The following MACROD2 variants were observed in gnomAD, a reference collection of about 807,000 sequenced individuals.
MACROD2 encodes ADP-ribose glycohydrolase MACROD2.
In MACROD2, 36 loss-of-function variants were observed where a neutral mutation model predicts 70.4. That is an observed-to-expected ratio of 0.51 (90% CI 0.39 to 0.68). MACROD2 has a LOEUF of 0.68. Among genes scored for constraint, MACROD2 ranks in the 30% least tolerant of loss-of-function variants. MACROD2 has a pLI of 0.00. For missense variants in MACROD2, 496 were observed against 538.4 expected (o/e 0.92, Z 0.78); for synonymous variants, 172 against 178.8 (o/e 0.96, Z 0.30).
intron 4 of MACROD2, among the ~76,000 whole-genome samples, chr20:14,665,398 A>T (rs1212110357): frequency 1.3e-5 from 2 of 152,030 alleles, no homozygotes. Flanking sequence ...AAGAATTAAG[A>T]ACTGATTTTG....
chr20:15,584,854 A>G (rs1028781837), intron 8 of MACROD2, among the ~76,000 whole-genome samples: 1 of 152,058 alleles, frequency 6.6e-6, no homozygotes, highest in African/African-American at 2.4e-5. Flanking sequence ...TTTTCCCTAC[A>G]ATGTCCCATC....
chr20:15,190,908 G>A (rs777890535), intron 5 of MACROD2, among the ~76,000 whole-genome samples: 8 of 152,124 alleles, frequency 5.3e-5, no homozygotes, highest in Non-Finnish European at 7.3e-5. Flanking sequence ...CAGAGTATGC[G>A]GTCTGGATGG....
chr20:15,803,098 C>A (rs929274617), intron 8 of MACROD2, among the ~76,000 whole-genome samples: 2 of 152,058 alleles, frequency 1.3e-5, no homozygotes, highest in African/African-American at 4.8e-5. Flanking sequence ...AAAACTAGCA[C>A]CAATTTTTCT....
intron 6 of MACROD2, among the ~76,000 whole-genome samples, chr20:15,379,827 T>C (rs948538908): frequency 1.3e-5 from 2 of 152,182 alleles, no homozygotes; most frequent in East Asian, 3.9e-4. Context: ...TACATTAGAT[T>C]ATGTCACTCC....
chr20:15,481,623 A>G (rs1774261392), intron 7 of MACROD2, among the ~76,000 whole-genome samples: 1 of 151,452 alleles, frequency 6.6e-6, no homozygotes, highest in South Asian at 2.1e-4. Context: ...AAAAGAAAAG[A>G]AAAGCCAGAG....
At chr20:14,585,866 G>A (rs1229929829) in intron 4 of MACROD2, among the ~76,000 whole-genome samples, 2 of 152,148 alleles carry the variant, frequency 1.3e-5, no homozygotes, top group Admixed American at 6.6e-5. Context: ...TTCAAGGTGT[G>A]TAGCTTTCTA....
chr20:16,035,272 G>T (rs1297229132), intron 15 of MACROD2, among the ~76,000 whole-genome samples: 1 of 149,426 alleles, frequency 6.7e-6, no homozygotes, highest in Non-Finnish European at 1.5e-5. Flanking sequence ...CTTTGGGTTG[G>T]TTCCACGATT....
chr20:15,077,725 A>G (rs532628678), intron 5 of MACROD2, among the ~76,000 whole-genome samples: 17 of 152,250 alleles, frequency 1.1e-4, no homozygotes, highest in African/African-American at 3.9e-4. Flanking sequence ...GATCTTGCCT[A>G]CATTAAGTTT....
At chr20:15,169,413 C>T (rs947747603) in intron 5 of MACROD2, among the ~76,000 whole-genome samples, 6 of 152,178 alleles carry the variant, frequency 3.9e-5, no homozygotes, top group Non-Finnish European at 7.4e-5. Flanking sequence ...TTTTTATAGT[C>T]TTTTTTGGCC....
In MACROD2 at chr20:13,995,548, CGCGGGGCTGAG is replaced by C; in HGVS notation, c.-210_-200del. 1.6e-6 allele frequency: 1 copy of C among 638,810 alleles called. No individual in the cohort carries two copies. The highest frequency in any genetic ancestry group is 2.9e-6 in the Non-Finnish European group (1 of 348,168). The allele number at this position is 638,810 out of a possible 1,614,324, so 39.6% of individuals were successfully genotyped here. ...TCTGAGGTGCTGCTGTGGCGGCGTCCGCGGGGCTGAGGCGGGTGGGAGCCGGAGCCGAGCGC... is the reference window on the plus strand; with the variant it reads ...TCTGAGGTGCTGCTGTGGCGGCGTCCGCGGGTGGGAGCCGGAGCCGAGCGC... On this transcript the variant is annotated 5_prime_UTR_variant, in exon 1 of 18. Transcript: ENST00000684519. This position sits in a 1 kb window ranked among gnomAD's most constrained non-coding sequence, Gnocchi z 4.3.
intron 3 of MACROD2, among the ~76,000 whole-genome samples, chr20:14,474,986 C>T (rs962455982): frequency 1.3e-5 from 2 of 151,760 alleles, no homozygotes; most frequent in Admixed American, 6.6e-5. Context: ...GGGTGTACTC[C>T]TGCCATTTTG....
chr20:14,221,808 G>A (rs1273473100), intron 3 of MACROD2, among the ~76,000 whole-genome samples: 1 of 152,156 alleles, frequency 6.6e-6, no homozygotes, highest in Non-Finnish European at 1.5e-5. Flanking sequence ...CTATTAAAAG[G>A]TGGGCAAAGG....
chr20:15,470,998 C>A (rs2052763646), intron 7 of MACROD2, among the ~76,000 whole-genome samples: 1 of 152,148 alleles, frequency 6.6e-6, no homozygotes, highest in African/African-American at 2.4e-5. Context: ...AAAGTTTTTT[C>A]CGCCTCCTTC....
intron 8 of MACROD2, among the ~76,000 whole-genome samples, chr20:15,772,279 C>G (rs897145317): frequency 1.3e-5 from 2 of 151,218 alleles, no homozygotes; most frequent in Non-Finnish European, 2.9e-5. Flanking sequence ...ACTAGAGAAA[C>G]ACAGGATTTA....
intron 11 of MACROD2, among the ~76,000 whole-genome samples, chr20:15,936,678 T>TATA (rs2065668346): frequency 6.7e-6 from 1 of 150,322 alleles, no homozygotes; most frequent in South Asian, 2.1e-4. Flanking sequence ...TGTGTATATA[T>TATA]ATATATATAT....
chr20:15,210,001 T>C (rs866889199), intron 5 of MACROD2, among the ~76,000 whole-genome samples: 5 of 152,360 alleles, frequency 3.3e-5, no homozygotes, highest in Admixed American at 6.5e-5. Flanking sequence ...GAAATCCCTG[T>C]GATCAGCTAA....
intron 5 of MACROD2, among the ~76,000 whole-genome samples, chr20:14,966,245 A>G (rs1353816835): frequency 6.6e-6 from 1 of 152,134 alleles, no homozygotes; most frequent in Non-Finnish European, 1.5e-5. Context: ...TAGTTATGTC[A>G]TATAGTAAAG....
intron 3 of MACROD2, among the ~76,000 whole-genome samples, chr20:14,369,865 G>C (rs1240142463): frequency 1.3e-5 from 2 of 152,118 alleles, no homozygotes; most frequent in African/African-American, 2.4e-5. Flanking sequence ...CTTTCACATA[G>C]TTTCAGATTT....
At chr20:15,476,220 A>G (rs146062003) in intron 7 of MACROD2, among the ~76,000 whole-genome samples, 365 of 152,382 alleles carry the variant, frequency 2.4e-3, no homozygotes, top group Admixed American at 3.6e-3. Flanking sequence ...TTTAGAATAC[A>G]TTAAATATGA....
Sources: allele counts gnomAD v4.1 joint callset (sites outside exome capture counted in the v4.1 genomes callset), GRCh38; gene constraint gnomAD v4.1.1; non-coding constraint Gnocchi (gnomAD v3.1); transcripts MANE v1.5; gene names NCBI Gene and HGNC (gene_info 2026-07-23, HGNC 2026-07-21).